Variants in PAK2 observed in about 807,000 individuals in gnomAD.
The protein encoded by PAK2 is serine/threonine-protein kinase PAK 2.
A neutral mutation model predicts 65.9 loss-of-function variants in PAK2; 21 were observed. The ratio of observed to expected loss-of-function variants is 0.32; its 90% CI spans 0.23 to 0.46. The LOEUF (loss-of-function observed/expected upper bound fraction) is 0.46, where lower values mean the gene tolerates loss of function less well. PAK2 is among the 20% of genes least tolerant of loss of function. The probability of loss-of-function intolerance (pLI) is 1.00; values close to 1 mark genes in which losing one functional copy is unlikely to be tolerated. For synonymous variants in PAK2, 204 were observed against 219.7 expected (o/e 0.93, Z 0.63); for missense variants, 324 against 642.6 (o/e 0.50, Z 5.36).
At chr3:196,763,759 A>G (rs1269391685) in intron 1 of PAK2, among the ~76,000 whole-genome samples, 2 of 151,944 alleles carry the variant, frequency 1.3e-5, no homozygotes, top group Non-Finnish European at 1.5e-5. Flanking sequence ...AAGAAAGGAA[A>G]GGCACTCAGA....
chr3:196,807,972 G>A, intron 7 of PAK2, 58 bp downstream of exon 7: 4 of 1,534,174 alleles, frequency 2.6e-6, no homozygotes, highest in South Asian at 2.4e-5. Flanking sequence ...AAAACATTTG[G>A]CCCAGATGGA....
intron 1 of PAK2, among the ~76,000 whole-genome samples, chr3:196,764,929 G>A (rs1714109496): frequency 7.0e-6 from 1 of 141,910 alleles, no homozygotes; most frequent in Non-Finnish European, 1.5e-5. Context: ...TGCAAATTCC[G>A]CCTCCCGGGT....
At chr3:196,804,858 T>TACAC (rs1227157882) in intron 4 of PAK2, among the ~76,000 whole-genome samples, 1 of 150,332 alleles carries the variant, frequency 6.7e-6, no homozygotes, top group African/African-American at 2.4e-5. Flanking sequence ...CACACACATA[T>TACAC]ACACACACAC....
Position 196,749,566 on chromosome 3 carries a change from CAT to C in PAK2, c.-22+9410_-22+9411del, listed in dbSNP as rs542426128. On this transcript the variant is annotated intron_variant, in intron 1 of 14. Transcript: ENST00000327134. The stretch of plus-strand genomic sequence containing the variant: ...TTGAAAAAATGTCTATTCAAGTGCT[CAT>C]GTGTAGGTTTTCGGGTGGACATAAG... Among the ~76,000 whole-genome samples, 79 of 152,236 alleles carry C rather than the reference CAT, an allele frequency of 5.2e-4. 1 individual carries two copies. The South Asian group carries it at 0.016, about 31-fold the overall frequency.
chr3:196,793,236 A>G (rs1222194320), intron 2 of PAK2, among the ~76,000 whole-genome samples: 3 of 152,236 alleles, frequency 2.0e-5, no homozygotes, highest in Non-Finnish European at 4.4e-5. Flanking sequence ...TTTAAACCAC[A>G]GAAGCCTCTG....
chr3:196,787,305 G>A (rs1279115239), intron 2 of PAK2, among the ~76,000 whole-genome samples: 1 of 152,078 alleles, frequency 6.6e-6, no homozygotes, highest in Admixed American at 6.5e-5. Flanking sequence ...TTTGGGCCGG[G>A]CACCGTGGCT....
rs542443697 is a variant in PAK2 at position 196,811,463 on chromosome 3, C to T, written c.774-756C>T. Among the ~76,000 whole-genome samples, 292 of 130,730 alleles carry T rather than the reference C, an allele frequency of 2.2e-3. 3 individuals carry two copies. The highest frequency in any genetic ancestry group is 8.2e-3 in the African/African-American group (283 of 34,432). The allele number at this position is 130,730 out of a possible 152,430, so 85.8% of individuals were successfully genotyped here. A position where few individuals can be genotyped will look rare whatever the true frequency, so the allele number is the denominator to read the frequency against. On this transcript the variant is annotated intron_variant, in intron 8 of 14. Coordinates refer to ENST00000327134, the MANE Select transcript of PAK2 (RefSeq NM_002577.4). ...GTGACATAATCTCAGCTCACTGCAA[C>T]CTCTGCCTCCCGGGTTCAAACGATT...
intron 1 of PAK2, among the ~76,000 whole-genome samples, chr3:196,767,236 T>C (rs1296751010): frequency 6.6e-6 from 1 of 152,166 alleles, no homozygotes; most frequent in Non-Finnish European, 1.5e-5. Context: ...GACAGCCTAG[T>C]GCATATATCT....
chr3:196,828,185 A>G, intron 14 of PAK2, 134 bp from the exon 15 acceptor site: 1 of 634,882 alleles, frequency 1.6e-6, no homozygotes, highest in Non-Finnish European at 2.9e-6. Context: ...TAGTCTTATG[A>G]AGGTATTAAT....
intron 4 of PAK2, among the ~76,000 whole-genome samples, chr3:196,803,439 T>A (rs533363660): frequency 2.6e-5 from 4 of 152,294 alleles, no homozygotes; most frequent in African/African-American, 9.6e-5. Context: ...TTGCTGTGTT[T>A]TTGTTTTCAT....
intron 1 of PAK2, among the ~76,000 whole-genome samples, chr3:196,742,878 C>T (rs1713252963): frequency 6.6e-6 from 1 of 152,168 alleles, no homozygotes; most frequent in Admixed American, 6.5e-5. Context: ...CGAGATCGCG[C>T]CACTGCACTC....
chr3:196,810,072 T>C (rs2108762850), intron 7 of PAK2, among the ~76,000 whole-genome samples: 1 of 151,940 alleles, frequency 6.6e-6, no homozygotes, highest in Admixed American at 6.6e-5. Context: ...ACTGGAAGAG[T>C]CAGAAAGACC....
intron 1 of PAK2, among the ~76,000 whole-genome samples, chr3:196,779,851 C>T (rs1639775495): frequency 6.6e-6 from 1 of 152,032 alleles, no homozygotes; most frequent in Non-Finnish European, 1.5e-5. Flanking sequence ...TTGTATTTTT[C>T]GTAGAGACAG....
rs566711309 is a variant in PAK2, at chr3:196,745,371, G to A, written c.-22+5214G>A. Among the ~76,000 whole-genome samples the A allele has an allele frequency of 7.5e-5, 11 of 146,362 alleles. No individual in the cohort carries two copies. The South Asian group carries it at 1.9e-3, about 25-fold the overall frequency. On this transcript the variant is annotated intron_variant, in intron 1 of 14. Coordinates refer to ENST00000327134, the MANE Select transcript of PAK2 (RefSeq NM_002577.4). ...ACTCCTGACCTCAGGTGATCTGCCT[G>A]CCTTGGCTTCCCGAAGTGTTGGGAT...
At chr3:196,819,040 A>G (rs77122385) in intron 12 of PAK2, among the ~76,000 whole-genome samples, 4,953 of 152,278 alleles carry the variant, frequency 0.033, 237 homozygotes, top group African/African-American at 0.1. Flanking sequence ...CAGTAAGTAC[A>G]AGGATGTTCT....
chr3:196,807,758 T>G, intron 6 of PAK2, 24 bp from the exon 7 acceptor site: 7 of 1,380,388 alleles, frequency 5.1e-6, no homozygotes, highest in Non-Finnish European at 7.1e-6. Flanking sequence ...CCTCAAACCT[T>G]GGTAATGAAC....
intron 12 of PAK2, among the ~76,000 whole-genome samples, chr3:196,818,689 C>T (rs914889239): frequency 2.0e-5 from 3 of 152,062 alleles, no homozygotes; most frequent in Non-Finnish European, 4.4e-5. Context: ...TTTAAGTAAT[C>T]TTAATGGGGA....
At chr3:196,811,293 C>CCCT (rs1715801350) in intron 8 of PAK2, among the ~76,000 whole-genome samples, 1 of 1,984 alleles carries the variant, frequency 5.0e-4, no homozygotes, top group Non-Finnish European at 8.8e-4. Context: ...CCTCCCTTCC[C>CCCT]TCCCTCCCTT....
chr3:196,765,454 A>T (rs1424249102), intron 1 of PAK2, among the ~76,000 whole-genome samples: 1 of 152,094 alleles, frequency 6.6e-6, no homozygotes, highest in Non-Finnish European at 1.5e-5. Flanking sequence ...CAGCCTGCCA[A>T]ATTTTCTAAA....
Sources: allele counts gnomAD v4.1 joint callset (sites outside exome capture counted in the v4.1 genomes callset), GRCh38; gene constraint gnomAD v4.1.1; transcripts MANE v1.5; gene names NCBI Gene and HGNC (gene_info 2026-07-23, HGNC 2026-07-21).